Variants in GPRC6A observed in about 807,000 individuals in gnomAD.
The protein encoded by GPRC6A is G protein-coupled receptor class C group 6 member A, also known as G protein-coupled receptor family C group 6 member A.
A neutral mutation model predicts 47.0 loss-of-function variants in GPRC6A; 54 were observed. The observed-to-expected ratio is 1.15, with a 90% CI of 0.92 to 1.44. GPRC6A has a LOEUF of 1.44. GPRC6A is among the 40% of genes most tolerant of loss of function. GPRC6A has a pLI of 0.00. For missense variants in GPRC6A, 1,112 were observed against 1,105.5 expected (o/e 1.01, Z -0.08); for synonymous variants, 347 against 377.1 (o/e 0.92, Z 0.93).
chr6:116,815,554 A>G (rs1356561397), intron 1 of GPRC6A, among the ~76,000 whole-genome samples: 3 of 152,168 alleles, frequency 2.0e-5, no homozygotes, highest in African/African-American at 7.2e-5. Context: ...TTGTCCAACA[A>G]CTGTAGAATA....
At chr6:116,811,215 A>T (rs1213827329) in intron 1 of GPRC6A, among the ~76,000 whole-genome samples, 1 of 152,184 alleles carries the variant, frequency 6.6e-6, no homozygotes, top group African/African-American at 2.4e-5. Context: ...CAAAAAAATC[A>T]AAGAAACTAC....
chr6:116,800,264 T>TC (rs1772619630), intron 4 of GPRC6A, among the ~76,000 whole-genome samples: 2 of 112,426 alleles, frequency 1.8e-5, no homozygotes, highest in Admixed American at 9.5e-5. Flanking sequence ...CTTCCTTCCT[T>TC]CCTCCCTCCC....
At position 116,806,680 on chromosome 6, in the gene GPRC6A, T is replaced by C; in HGVS notation, c.1025A>G (p.Asn342Ser). The change falls in exon 3 of 6, where the codon AAT becomes AGT. Residue 342 changes from asparagine to serine, a missense_variant. By Grantham distance (46) the Asn-to-Ser change is conservative. Coordinates refer to ENST00000310357, the MANE Select transcript of GPRC6A (RefSeq NM_148963.4). Reference sequence around the variant, plus strand: ...ACTGTCACTGGGAAGCAAGTGCAGATTTTGAAGAAAGGAATGGAAAGAGGA... The same window carrying C: ...ACTGTCACTGGGAAGCAAGTGCAGACTTTGAAGAAAGGAATGGAAAGAGGA... The part of the protein sequence containing the change: ...NISSFHSFLQ[N>S]LHLLPSDSHK... 1 of 1,613,602 alleles carries C rather than the reference T, an allele frequency of 6.2e-7. No individual in the cohort carries two copies. The highest frequency in any genetic ancestry group is 1.7e-4 in the Middle Eastern group (1 of 6,058).
intron 1 of GPRC6A, among the ~76,000 whole-genome samples, chr6:116,816,977 C>A (rs1200654044): frequency 2.0e-5 from 3 of 152,216 alleles, no homozygotes; most frequent in Non-Finnish European, 4.4e-5. Context: ...CCCGCCATTG[C>A]CCAGGCTCGC....
Position 116,793,130 on chromosome 6 carries a change from A to T in GPRC6A, c.1793T>A (p.Leu598Gln). The change falls in exon 6 of 6, where the codon CTG becomes CAG. Residue 598 changes from leucine to glutamine, a missense_variant. Leu to Gln is a moderately radical substitution (Grantham distance 113). Transcript: ENST00000310357. ...NWNDSLAILL[L>Q]ILSLLGIIFV... Reference sequence around the variant, plus strand: ...TATGATTCCCAGTAGGGAGAGAATCAGGAGTAGGATGGCCAAGGAGTCATT... The same window carrying T: ...TATGATTCCCAGTAGGGAGAGAATCTGGAGTAGGATGGCCAAGGAGTCATT... 2 of 1,613,938 alleles carry T rather than the reference A, an allele frequency of 1.2e-6. No individual in the cohort carries two copies. The highest frequency in any genetic ancestry group is 1.7e-6 in the Non-Finnish European group (2 of 1,179,836).
At position 116,809,303 on chromosome 6, in the gene GPRC6A, A is replaced by G. The variant is rs745362974; in HGVS notation, c.498+11T>C. 5.0e-6 allele frequency: 8 copies of G among 1,605,604 alleles called. 1 individual carries two copies. In the South Asian group the frequency reaches 8.8e-5, roughly 18 times the overall value. On this transcript the variant is annotated intron_variant, in intron 2 of 5. Coordinates refer to ENST00000310357, the MANE Select transcript of GPRC6A (RefSeq NM_148963.4). ...ATCAAAAGCAATGTTTGGAGGTAGC[A>G]CAAAACCTACCTGTGGCATGAGCTG...
chr6:116,808,131 G>A (rs1772913152), intron 2 of GPRC6A, among the ~76,000 whole-genome samples: 1 of 151,954 alleles, frequency 6.6e-6, no homozygotes, highest in Non-Finnish European at 1.5e-5. Flanking sequence ...TTACTGTAAA[G>A]TTATAAGATT....
At chr6:116,815,853 C>G (rs1773187838) in intron 1 of GPRC6A, among the ~76,000 whole-genome samples, 2 of 152,194 alleles carry the variant, frequency 1.3e-5, no homozygotes, top group Non-Finnish European at 1.5e-5. Context: ...AGTCCCTTCT[C>G]ACATTGCTAT....
rs773037437 is a variant in GPRC6A at position 116,806,729 on chromosome 6, AC to A, written c.975del (p.Phe326LeufsTer47). ...PNVKKIGKVV[G>X]FAFRRGNISS... is the part of the protein sequence containing the mutation. Reference sequence around the variant, plus strand: ...GATATATTCCCTCTTCTAAAGGCAAACCCTACAACTTTGCCAATCTTTTTAA... The same window carrying A: ...GATATATTCCCTCTTCTAAAGGCAAACCTACAACTTTGCCAATCTTTTTAA... On this transcript the variant is annotated frameshift_variant, in exon 3 of 6. Transcript: ENST00000310357. LOFTEE classifies it high-confidence loss of function. 2 of 1,613,570 alleles carry A rather than the reference AC, an allele frequency of 1.2e-6. No individual in the cohort carries two copies. Among genetic ancestry groups the A allele is most frequent in the East Asian group, 2.2e-5 (1 of 44,878 alleles).
chr6:116,818,847 A>C (rs979500414), intron 1 of GPRC6A, among the ~76,000 whole-genome samples: 3 of 152,026 alleles, frequency 2.0e-5, no homozygotes, highest in Admixed American at 6.5e-5. Flanking sequence ...GATCAAATTC[A>C]CACATAACAA....
chr6:116,806,980 T>G lies in GPRC6A; in HGVS notation c.725A>C (p.Lys242Thr). 6.2e-7 allele frequency: 1 copy of G among 1,613,660 alleles called. No homozygotes were observed. The highest frequency in any genetic ancestry group is 1.7e-5 in the Admixed American group (1 of 59,928). Reference sequence around the variant, plus strand: ...TGAAAGAAAGGCTGGAAGAACCTCTTTGAAGGCTATGCACACGTTATTTGC... The same window carrying G: ...TGAAAGAAAGGCTGGAAGAACCTCTGTGAAGGCTATGCACACGTTATTTGC... The part of the protein sequence containing the change: ...AEANNVCIAF[K>T]EVLPAFLSDN... The change falls in exon 3 of 6, where the codon AAA (lysine) becomes ACA (threonine). Residue 242 changes from lysine (K) to threonine (T), a missense_variant. By Grantham distance (78) the Lys-to-Thr change is moderately conservative (BLOSUM62 -1). Coordinates refer to ENST00000310357, the MANE Select transcript of GPRC6A (RefSeq NM_148963.4).
chr6:116,823,788 C>G (rs1332926361), intron 1 of GPRC6A, among the ~76,000 whole-genome samples: 1 of 152,012 alleles, frequency 6.6e-6, no homozygotes, highest in Non-Finnish European at 1.5e-5. Flanking sequence ...CTTGGGAGGC[C>G]TCAGGAAACT....
In GPRC6A at chr6:116,796,165, A is replaced by G. The variant is rs1177565906; in HGVS notation, c.1549-330T>C. 3.3e-5 allele frequency among the ~76,000 whole-genome samples: 5 copies of G among 152,258 alleles called. No individual in the cohort carries two copies. The South Asian group carries it at 6.2e-4, about 19-fold the overall frequency. Reference sequence around the variant, plus strand: ...TGACGGTTTGGAAAGTTTCAATCCCATGTTGAATGAAGGGTTCCACTAGAT... The same window carrying G: ...TGACGGTTTGGAAAGTTTCAATCCCGTGTTGAATGAAGGGTTCCACTAGAT... On this transcript the variant is annotated intron_variant, in intron 4 of 5. Transcript: ENST00000310357.
chr6:116,826,876 A>G lies in GPRC6A; in HGVS notation c.194+1944T>C, dbSNP rs563794823. 4.9e-4 allele frequency among the ~76,000 whole-genome samples: 74 copies of G among 151,016 alleles called. 1 individual carries two copies. The highest frequency in any genetic ancestry group is 1.7e-3 in the African/African-American group (72 of 41,452). Reference sequence around the variant, plus strand: ...GAATAGTACTCAGCCATAAAAAAAGAATAAAATCATATCATTTGCAGCAAC... The same window carrying G: ...GAATAGTACTCAGCCATAAAAAAAGGATAAAATCATATCATTTGCAGCAAC... On this transcript the variant is annotated intron_variant, in intron 1 of 5. Transcript: ENST00000310357.
rs200816531 is a variant in GPRC6A, at chr6:116,821,947, T to A, written c.194+6873A>T. 5.4e-5 allele frequency among the ~76,000 whole-genome samples: 8 copies of A among 147,288 alleles called. No individual in the cohort carries two copies. In the East Asian group the frequency reaches 1.2e-3, roughly 22 times the overall value. On this transcript the variant is annotated intron_variant, in intron 1 of 5. Coordinates refer to ENST00000310357, the MANE Select transcript of GPRC6A (RefSeq NM_148963.4). ...CAACCTACAAAATGGGAGAAAATTT[T>A]CACAACCTACTCATCTGACAAAGGT...
intron 3 of GPRC6A, among the ~76,000 whole-genome samples, chr6:116,805,066 A>G (rs1438225065): frequency 6.6e-6 from 1 of 152,090 alleles, no homozygotes; most frequent in Non-Finnish European, 1.5e-5. Flanking sequence ...TCTAAAAAAG[A>G]TAATTTATGG....
chr6:116,801,600 T>G (rs962624418), intron 3 of GPRC6A, among the ~76,000 whole-genome samples: 17 of 152,180 alleles, frequency 1.1e-4, no homozygotes, highest in Non-Finnish European at 2.2e-4. Flanking sequence ...ATTATTCTAT[T>G]TGAAGACAAT....
In GPRC6A at chr6:116,793,134, G is replaced by A; in HGVS notation, c.1789C>T (p.Leu597Phe). Residue 597 changes from leucine (L) to phenylalanine (F), a missense_variant, in exon 6 of 6, where the codon CTC becomes TTC. By Grantham distance (22) the Leu-to-Phe change is conservative. Transcript: ENST00000310357. ...ATTCCCAGTAGGGAGAGAATCAGGA[G>A]TAGGATGGCCAAGGAGTCATTCCAG... is the stretch of plus-strand genomic sequence containing the variant. ...LNWNDSLAIL[L>F]LILSLLGIIF... 1 of 1,613,876 alleles carries A rather than the reference G, an allele frequency of 6.2e-7. No homozygotes were observed. The highest frequency in any genetic ancestry group is 1.1e-5 in the South Asian group (1 of 91,072).
At chr6:116,794,769 C>G (rs1772424150) in intron 5 of GPRC6A, among the ~76,000 whole-genome samples, 1 of 151,782 alleles carries the variant, frequency 6.6e-6, no homozygotes, top group African/African-American at 2.4e-5. Flanking sequence ...TTAAACATAC[C>G]AAGGAACGGG....
Sources: gnomAD v4.1 joint callset for allele counts (sites outside exome capture counted in the v4.1 genomes callset) on GRCh38, gnomAD v4.1.1 for gene constraint, MANE v1.5 for transcripts, NCBI Gene and HGNC (gene_info 2026-07-23, HGNC 2026-07-21) for gene names.